The following TMEM161A variants were observed in gnomAD, a reference collection of about 807,000 sequenced individuals.
The protein encoded by TMEM161A is adaptive response to oxidative stress protein 29.
A neutral mutation model predicts 57.1 loss-of-function variants in TMEM161A; 46 were observed. The ratio of observed to expected loss-of-function variants is 0.81; its 90% CI spans 0.64 to 1.03. The LOEUF (loss-of-function observed/expected upper bound fraction) is 1.03, where lower values mean the gene tolerates loss of function less well. Ranked by LOEUF, TMEM161A falls within the 50% of genes least tolerant of loss-of-function variation. The pLI is 0.00. For missense variants in TMEM161A, 601 were observed against 621.5 expected (o/e 0.97, Z 0.35); for synonymous variants, 288 against 279.0 (o/e 1.03, Z -0.32).
intron 1 of TMEM161A, 106 bp from the exon 2 acceptor site, chr19:19,134,993 G>T (rs1273731053): frequency 6.3e-6 from 5 of 789,850 alleles, no homozygotes; most frequent in Non-Finnish European, 1.0e-5. Context: ...GATGGGGGAA[G>T]GGCGAGCCTC....
rs201530872 is a variant in TMEM161A, at chr19:19,133,204, G to A, written c.114C>T (p.Phe38=). The change falls in exon 3 of 12, where the codon TTC becomes TTT. Residue 38 remains phenylalanine, a synonymous_variant. Transcript: ENST00000162044. ...ARWLLCNGSL[F]RYKHPSEEEL... ...CCTCCTCAGACGGGTGCTTGTATCG[G>A]AACAAACTGAGAGCAAGGACGGGCA... 6.2e-6 allele frequency: 10 copies of A among 1,614,158 alleles called. No individual in the cohort carries two copies. The South Asian group carries it at 1.1e-4, about 18-fold the overall frequency.
At chr19:19,126,937 C>CT (rs1233570585) in intron 6 of TMEM161A, among the ~76,000 whole-genome samples, 1 of 148,268 alleles carries the variant, frequency 6.7e-6, no homozygotes, top group East Asian at 2.0e-4. Flanking sequence ...GTCCCAGCTA[C>CT]TTGGGAGCCT....
Position 19,132,825 on chromosome 19 carries a change from C to G in TMEM161A, c.189-71G>C. The G allele has an allele frequency of 7.9e-7, 1 of 1,268,546 alleles. No individual in the cohort carries two copies. Among genetic ancestry groups the G allele is most frequent in the Non-Finnish European group, 1.1e-6 (1 of 920,334 alleles). 78.6% of individuals were successfully genotyped at this position (1,268,546 alleles called of 1,614,324 possible). A position where few individuals can be genotyped will look rare whatever the true frequency, so the allele number is the denominator to read the frequency against. On this transcript the variant is annotated intron_variant, in intron 3 of 11. Transcript: ENST00000162044. The surrounding 1 kb of genome is among the most constrained non-coding windows in gnomAD (Gnocchi z 4.3). ...ACTGAGGCCAGCCACCCTCAGAGCTCAGAGCAGCTGGCCTGGAGACCATCT... is the reference window on the plus strand; with the variant it reads ...ACTGAGGCCAGCCACCCTCAGAGCTGAGAGCAGCTGGCCTGGAGACCATCT...
In TMEM161A at chr19:19,138,409, G is replaced by A. The variant is rs1224200808; in HGVS notation, c.3+17C>T. The A allele has an allele frequency of 8.1e-6, 13 of 1,602,694 alleles. No homozygotes were observed. Among genetic ancestry groups the A allele is most frequent in the Non-Finnish European group, 1.1e-5 (13 of 1,174,756 alleles). ...TCGGCCCTGCAGAACCCCCCACTTC[G>A]CGGGACGCTCGCTCACCATGACGCG... On this transcript the variant is annotated intron_variant, in intron 1 of 11. Transcript: ENST00000162044.
Position 19,121,243 on chromosome 19 carries a change from T to C in TMEM161A, c.914+65A>G, listed in dbSNP as rs952569616. On this transcript the variant is annotated intron_variant, in intron 9 of 11. Coordinates refer to ENST00000162044, the MANE Select transcript of TMEM161A (RefSeq NM_017814.3). The surrounding 1 kb of genome is among the most constrained non-coding windows in gnomAD (Gnocchi z 5.8). ...CCAGGATCTTCCCCAGGCTCCTCCC[T>C]GAATCTCAGAGGCTAGGGCACCCAG... 5.8e-6 allele frequency: 9 copies of C among 1,550,898 alleles called. No individual in the cohort carries two copies. In the African/African-American group the frequency reaches 1.1e-4, roughly 19 times the overall value.
At position 19,133,510 on chromosome 19, in the gene TMEM161A, C is replaced by CA. The variant is rs560209115; in HGVS notation, c.108-301dup. 3.1e-4 allele frequency among the ~76,000 whole-genome samples: 47 copies of CA among 152,278 alleles called. No individual in the cohort carries two copies. The East Asian group carries it at 8.5e-3, about 27-fold the overall frequency. ...TTTTTGAGACAGAGTCTCCCTCTGT[C>CA]ACCCAGACTGGAGTGCAGTGGCATG... On this transcript the variant is annotated intron_variant, in intron 2 of 11. Transcript: ENST00000162044.
chr19:19,121,675 GA>G lies in TMEM161A; in HGVS notation c.657-8del. On this transcript the variant is annotated splice_polypyrimidine_tract_variant and splice_region_variant and intron_variant, in intron 7 of 11. Transcript: ENST00000162044. This position sits in a 1 kb window ranked among gnomAD's most constrained non-coding sequence, Gnocchi z 5.8. ...CAGCTTGGCCACAGGAAGCCTAGGA[GA>G]ACACCAGGTCACGAGCCTGCCTGGG... 1 of 1,613,334 alleles carries G rather than the reference GA, an allele frequency of 6.2e-7. No individual in the cohort carries two copies. Among genetic ancestry groups the G allele is most frequent in the Non-Finnish European group, 8.5e-7 (1 of 1,179,436 alleles).
intron 5 of TMEM161A, among the ~76,000 whole-genome samples, chr19:19,131,257 G>A (rs1400319618): frequency 1.3e-5 from 2 of 151,824 alleles, no homozygotes; most frequent in Non-Finnish European, 2.9e-5. Flanking sequence ...AAAAGCATGG[G>A]AATCTGGGGA....
In TMEM161A at chr19:19,120,171, C is replaced by T. The variant is rs200543150; in HGVS notation, c.1199G>A (p.Trp400Ter). 7.6e-4 allele frequency: 1,178 copies of T among 1,550,398 alleles called. 3 individuals carry two copies. Among genetic ancestry groups the T allele is most frequent in the Non-Finnish European group, 9.7e-4 (1,110 of 1,145,564 alleles). ...TAGTAGAGGAGCTGGGCCCAGGCCC[C>T]AGGAATAGCCTCCTAGGAGAAGAGG... The part of the protein sequence containing the change: ...LLLKTLGGYS[W>*]GLGPAPLLSP... Residue 400 changes from tryptophan (W) to a stop codon, truncating the protein, a stop_gained, in exon 12 of 12, where the codon TGG becomes TAG. Coordinates refer to ENST00000162044, the MANE Select transcript of TMEM161A (RefSeq NM_017814.3). LOFTEE classifies it low-confidence loss of function (END_TRUNC).
intron 2 of TMEM161A, among the ~76,000 whole-genome samples, chr19:19,134,354 C>T (rs1380979378): frequency 6.6e-6 from 1 of 152,138 alleles, no homozygotes; most frequent in Non-Finnish European, 1.5e-5. Flanking sequence ...GTAATCCCAG[C>T]ACTTTGGGAG....
intron 6 of TMEM161A, among the ~76,000 whole-genome samples, chr19:19,126,288 C>A (rs1744614551): frequency 6.6e-6 from 1 of 152,100 alleles, no homozygotes; most frequent in African/African-American, 2.4e-5. Flanking sequence ...ACACTTACAA[C>A]TACATTTGAC....
chr19:19,120,708 AC>A, intron 11 of TMEM161A, 56 bp downstream of exon 11: 1 of 1,071,976 alleles, frequency 9.3e-7, no homozygotes. Context: ...GTCCACCTCC[AC>A]TCTGTTTTAT....
In TMEM161A at chr19:19,137,285, C is replaced by T. The variant is rs898515600; in HGVS notation, c.3+1141G>A. Among the ~76,000 whole-genome samples, 5 of 152,164 alleles carry T rather than the reference C, an allele frequency of 3.3e-5. 1 individual carries two copies. In the South Asian group the frequency reaches 1.0e-3, roughly 31 times the overall value. ...CCTCCCTGCACCCAACCACTGGAGT[C>T]TCAGAGGTCTTCCTGGACCTTTGGG... On this transcript the variant is annotated intron_variant, in intron 1 of 11. Transcript: ENST00000162044.
intron 1 of TMEM161A, among the ~76,000 whole-genome samples, chr19:19,137,113 C>T (rs765826922): frequency 1.1e-4 from 17 of 152,146 alleles, no homozygotes; most frequent in Non-Finnish European, 2.1e-4. Flanking sequence ...TCCTGGGAGA[C>T]CCTAGCACTC....
intron 11 of TMEM161A, 96 bp downstream of exon 11, chr19:19,120,669 T>G: frequency 1.9e-4 from 117 of 612,668 alleles, no homozygotes; most frequent in East Asian, 2.5e-4. Context: ...AGGCCCCGCC[T>G]CTCCCCCCCC....
At chr19:19,137,645 C>T (rs979937346) in intron 1 of TMEM161A, among the ~76,000 whole-genome samples, 6 of 152,214 alleles carry the variant, frequency 3.9e-5, no homozygotes, top group Non-Finnish European at 8.8e-5. Context: ...CGACGCCCCA[C>T]TTTCAATAAT....
rs770115130 is a variant in TMEM161A at position 19,121,217 on chromosome 19, C to T, written c.915-51G>A. On this transcript the variant is annotated intron_variant, in intron 9 of 11. Coordinates refer to ENST00000162044, the MANE Select transcript of TMEM161A (RefSeq NM_017814.3). The surrounding 1 kb of genome is among the most constrained non-coding windows in gnomAD (Gnocchi z 5.8). The stretch of plus-strand genomic sequence containing the variant: ...GGACTAAGAAGGTCGCCCCCGACCC[C>T]CCAGGATCTTCCCCAGGCTCCTCCC... 2 of 1,553,512 alleles carry T rather than the reference C, an allele frequency of 1.3e-6. No individual in the cohort carries two copies. Among genetic ancestry groups the T allele is most frequent in the Non-Finnish European group, 8.7e-7 (1 of 1,148,342 alleles).
At chr19:19,127,702 A>T (rs1415746888) in intron 6 of TMEM161A, among the ~76,000 whole-genome samples, 3 of 151,614 alleles carry the variant, frequency 2.0e-5, no homozygotes, top group Non-Finnish European at 4.4e-5. Flanking sequence ...GGCGGAGGTG[A>T]GAGGACTGCT....
rs2059963195 is a variant in TMEM161A at position 19,132,412 on chromosome 19, C to T, written c.383G>A (p.Gly128Glu). Residue 128 changes from glycine to glutamate, a missense_variant, in exon 5 of 12, where the codon GGA becomes GAA. By Grantham distance (98) the Gly-to-Glu change is moderately conservative. Coordinates refer to ENST00000162044, the MANE Select transcript of TMEM161A (RefSeq NM_017814.3). The surrounding 1 kb of genome is among the most constrained non-coding windows in gnomAD (Gnocchi z 4.3). ...LFTEAYYYML[G>E]PAKETNIAVF... ...AGCAATGTTAGTCTCCTTGGCTGGT[C>T]CCAGCATGTAGTAGTAGGCCTCTGT... 6.2e-7 allele frequency: 1 copy of T among 1,614,038 alleles called. No individual in the cohort carries two copies.
Sources: gnomAD v4.1 joint callset for allele counts (sites outside exome capture counted in the v4.1 genomes callset) on GRCh38, gnomAD v4.1.1 for gene constraint, Gnocchi (gnomAD v3.1) non-coding constraint, MANE v1.5 for transcripts, NCBI Gene and HGNC (gene_info 2026-07-23, HGNC 2026-07-21) for gene names.